Variants in PPIB observed in about 807,000 individuals in gnomAD.
PPIB encodes the protein peptidyl-prolyl cis-trans isomerase B.
Under a neutral mutation model 20.1 loss-of-function variants are expected in PPIB, and 15 were observed. The ratio of observed to expected loss-of-function variants is 0.75; its 90% CI spans 0.50 to 1.15. The LOEUF is 1.15. PPIB is among the 50% of genes most tolerant of loss of function. The pLI is 0.00. For synonymous variants in PPIB, 129 were observed against 111.0 expected (o/e 1.16, Z -1.02); for missense variants, 278 against 283.0 (o/e 0.98, Z 0.13).
chr15:64,162,705 G>T, intron 1 of PPIB, 147 bp downstream of exon 1: 1 of 1,344,230 alleles, frequency 7.4e-7, no homozygotes, highest in Non-Finnish European at 1.0e-6. Flanking sequence ...GGTGGGTCCG[G>T]GTCGTTCCCT....
Position 64,156,155 on chromosome 15 carries a change from A to G in PPIB, c.529-10T>C, listed in dbSNP as rs2081529595. 2 of 1,613,946 alleles carry G rather than the reference A, an allele frequency of 1.2e-6. No individual in the cohort carries two copies. The highest frequency in any genetic ancestry group is 1.7e-6 in the Non-Finnish European group (2 of 1,180,030). ...CCTTCCGCACCACCTCCTGGAAAAG[A>G]AAGGTGGAAGCAGGAGGGCATGGTG... On this transcript the variant is annotated splice_polypyrimidine_tract_variant and intron_variant, in intron 4 of 4. Transcript: ENST00000300026. The surrounding 1 kb of genome is among the most constrained non-coding windows in gnomAD (Gnocchi z 6.4).
Position 64,157,961 on chromosome 15 carries a change from A to T in PPIB, c.344-1052T>A, listed in dbSNP as rs1468798838. On this transcript the variant is annotated intron_variant, in intron 3 of 4. Coordinates refer to ENST00000300026, the MANE Select transcript of PPIB (RefSeq NM_000942.5). The surrounding 1 kb of genome is among the most constrained non-coding windows in gnomAD (Gnocchi z 4.2). ...TGGACTCTGCCACATGTGCAGTGAGACCTGGCTGGAGTGCTGGCTAAAAGC... is the reference window on the plus strand; with the variant it reads ...TGGACTCTGCCACATGTGCAGTGAGTCCTGGCTGGAGTGCTGGCTAAAAGC... 6.6e-6 allele frequency among the ~76,000 whole-genome samples: 1 copy of T among 152,098 alleles called. No individual in the cohort carries two copies. The highest frequency in any genetic ancestry group is 2.4e-5 in the African/African-American group (1 of 41,418).
At chr15:64,162,012 A>C in intron 2 of PPIB, 29 bp downstream of exon 2, 1 of 1,519,950 alleles carries the variant, frequency 6.6e-7, no homozygotes. Flanking sequence ...ACTTCATGTG[A>C]GTTGACTACC....
Position 64,161,971 on chromosome 15 carries a change from T to G in PPIB, c.249+70A>C. 9.1e-7 allele frequency: 1 copy of G among 1,096,116 alleles called. No individual in the cohort carries two copies. Among genetic ancestry groups the G allele is most frequent in the Non-Finnish European group, 1.4e-6 (1 of 708,198 alleles). The allele number at this position is 1,096,116 out of a possible 1,614,324, so 67.9% of individuals were successfully genotyped here. On this transcript the variant is annotated intron_variant, in intron 2 of 4. Coordinates refer to ENST00000300026, the MANE Select transcript of PPIB (RefSeq NM_000942.5). The surrounding 1 kb of genome is among the most constrained non-coding windows in gnomAD (Gnocchi z 4.2). ...CTACAGATCGGCTGAACTCTGCAGGTCAGTTTGCTGCCATCCCCAGTGCCA... is the reference window on the plus strand; with the variant it reads ...CTACAGATCGGCTGAACTCTGCAGGGCAGTTTGCTGCCATCCCCAGTGCCA...
Position 64,158,304 on chromosome 15 carries a change from A to G in PPIB, c.344-1395T>C, listed in dbSNP as rs1023115099. ...CATAGTGTGAGCCAGAGACTGTTCC[A>G]AGCATCTTACATATTTAACAATCCA... On this transcript the variant is annotated intron_variant, in intron 3 of 4. Transcript: ENST00000300026. This position sits in a 1 kb window ranked among gnomAD's most constrained non-coding sequence, Gnocchi z 4.7. Among the ~76,000 whole-genome samples, 7 of 152,166 alleles carry G rather than the reference A, an allele frequency of 4.6e-5. No homozygotes were observed. The highest frequency in any genetic ancestry group is 1.7e-4 in the African/African-American group (7 of 41,424).
rs907172359 is a variant in PPIB, at chr15:64,160,183, G to A, written c.264C>T (p.Tyr88=). The A allele has an allele frequency of 3.1e-6, 5 of 1,613,444 alleles. No homozygotes were observed. Among genetic ancestry groups the A allele is most frequent in the Non-Finnish European group, 4.2e-6 (5 of 1,179,376 alleles). ...ALATGEKGFG[Y]KNSKFHRVIK... The stretch of plus-strand genomic sequence containing the variant: ...TTACACGATGGAATTTGCTGTTTTT[G>A]TAGCCAAATCCTTTCTAGAAAAAGG... The change falls in exon 3 of 5, where the codon TAC becomes TAT. Residue 88 remains tyrosine, a synonymous_variant. Transcript: ENST00000300026. The surrounding 1 kb of genome is among the most constrained non-coding windows in gnomAD (Gnocchi z 4.8).
chr15:64,156,960 G>C lies in PPIB; in HGVS notation c.344-51C>G. 1 of 1,587,260 alleles carries C rather than the reference G, an allele frequency of 6.3e-7. No individual in the cohort carries two copies. The highest frequency in any genetic ancestry group is 8.6e-7 in the Non-Finnish European group (1 of 1,157,880). On this transcript the variant is annotated intron_variant, in intron 3 of 4. Transcript: ENST00000300026. The surrounding 1 kb of genome is among the most constrained non-coding windows in gnomAD (Gnocchi z 6.4). ...GGGGCGCTGGATTGCGCCAAACCAA[G>C]CAGACATTCGGGGCCAGGACTGAGG...
Position 64,156,744 on chromosome 15 carries a change from C to T in PPIB, c.509G>A (p.Gly170Asp), listed in dbSNP as rs199606428. The change falls in exon 4 of 5, where the codon GGC (glycine) becomes GAC (aspartate). Residue 170 changes from glycine (G) to aspartate (D), a missense_variant. Transcript: ENST00000300026. This position sits in a 1 kb window ranked among gnomAD's most constrained non-coding sequence, Gnocchi z 6.4. ...AWLDGKHVVFGKVLEGMEVVR... is the reference protein window; with the variant it reads ...AWLDGKHVVFDKVLEGMEVVR... Reference sequence around the variant, plus strand: ...ACTCACCATGCCCTCTAGAACTTTGCCAAACACCACATGCTTGCCATCTAG... The same window carrying T: ...ACTCACCATGCCCTCTAGAACTTTGTCAAACACCACATGCTTGCCATCTAG... The T allele has an allele frequency of 8.7e-6, 14 of 1,614,184 alleles. No individual in the cohort carries two copies. In the East Asian group the frequency reaches 2.7e-4, roughly 31 times the overall value.
In PPIB at chr15:64,159,932, ACTGGGTT is replaced by A. The variant is rs1271373282; in HGVS notation, c.343+165_343+171del. On this transcript the variant is annotated intron_variant, in intron 3 of 4. Coordinates refer to ENST00000300026, the MANE Select transcript of PPIB (RefSeq NM_000942.5). This position sits in a 1 kb window ranked among gnomAD's most constrained non-coding sequence, Gnocchi z 5.1. ...CACCCCATTATTCTCTCTCCTTTGTACTGGGTTCCCTCTTCAAAGAAGGGTGCCGCTG... is the reference window on the plus strand; with the variant it reads ...CACCCCATTATTCTCTCTCCTTTGTACCCTCTTCAAAGAAGGGTGCCGCTG... The A allele has an allele frequency of 1.4e-6, 1 of 691,380 alleles. No individual in the cohort carries two copies. The highest frequency in any genetic ancestry group is 2.6e-6 in the Non-Finnish European group (1 of 379,634). 42.8% of individuals were successfully genotyped at this position (691,380 alleles called of 1,614,324 possible). A position where few individuals can be genotyped will look rare whatever the true frequency, so the allele number is the denominator to read the frequency against.
chr15:64,155,854 TC>T lies in PPIB; in HGVS notation c.*168del. 1 of 913,024 alleles carries T rather than the reference TC, an allele frequency of 1.1e-6. No homozygotes were observed. Among genetic ancestry groups the T allele is most frequent in the Non-Finnish European group, 1.7e-6 (1 of 594,964 alleles). 56.6% of individuals were successfully genotyped at this position (913,024 alleles called of 1,614,324 possible). On this transcript the variant is annotated 3_prime_UTR_variant, in exon 5 of 5. Coordinates refer to ENST00000300026, the MANE Select transcript of PPIB (RefSeq NM_000942.5). ...AAAAACCCACATTTTTTTTTATTGGTCAGTGTTGGTAGGAGTTTGTTACAAA... is the reference window on the plus strand; with the variant it reads ...AAAAACCCACATTTTTTTTTATTGGTAGTGTTGGTAGGAGTTTGTTACAAA...
At position 64,161,367 on chromosome 15, in the gene PPIB, T is replaced by C. The variant is rs1187143042; in HGVS notation, c.249+674A>G. On this transcript the variant is annotated intron_variant, in intron 2 of 4. Coordinates refer to ENST00000300026, the MANE Select transcript of PPIB (RefSeq NM_000942.5). The surrounding 1 kb of genome is among the most constrained non-coding windows in gnomAD (Gnocchi z 4.2). Reference sequence around the variant, plus strand: ...TGGCTCACTGCAACCTCCATTTCACTTCAGCCTCCTGAGTAGCTGTAGCTG... The same window carrying C: ...TGGCTCACTGCAACCTCCATTTCACCTCAGCCTCCTGAGTAGCTGTAGCTG... 6.6e-6 allele frequency among the ~76,000 whole-genome samples: 1 copy of C among 151,922 alleles called. No homozygotes were observed. The highest frequency in any genetic ancestry group is 1.5e-5 in the Non-Finnish European group (1 of 67,958).
In PPIB at chr15:64,158,211, C is replaced by G. The variant is rs1159741479; in HGVS notation, c.344-1302G>C. Among the ~76,000 whole-genome samples the G allele has an allele frequency of 6.6e-6, 1 of 152,178 alleles. No homozygotes were observed. Among genetic ancestry groups the G allele is most frequent in the Non-Finnish European group, 1.5e-5 (1 of 68,044 alleles). On this transcript the variant is annotated intron_variant, in intron 3 of 4. Transcript: ENST00000300026. The surrounding 1 kb of genome is among the most constrained non-coding windows in gnomAD (Gnocchi z 4.7). Reference sequence around the variant, plus strand: ...GTGGCTCAGGTTGTCCCTACCCACTCCCCATGTACTTACTCTTTCTTTCCA... The same window carrying G: ...GTGGCTCAGGTTGTCCCTACCCACTGCCCATGTACTTACTCTTTCTTTCCA...
Position 64,161,108 on chromosome 15 carries a change from C to T in PPIB, c.250-911G>A, listed in dbSNP as rs2081561273. ...CCCAAGTAGCTGGAATTACAGGCGC[C>T]TACCACTACACCTGGCTAATTTTTT... On this transcript the variant is annotated intron_variant, in intron 2 of 4. Coordinates refer to ENST00000300026, the MANE Select transcript of PPIB (RefSeq NM_000942.5). The surrounding 1 kb of genome is among the most constrained non-coding windows in gnomAD (Gnocchi z 4.2). Among the ~76,000 whole-genome samples the T allele has an allele frequency of 6.6e-6, 1 of 151,744 alleles. No individual in the cohort carries two copies. The highest frequency in any genetic ancestry group is 6.6e-5 in the Admixed American group (1 of 15,224).
Position 64,159,964 on chromosome 15 carries a change from G to A in PPIB, c.343+140C>T. ...TCCCTCTTCAAAGAAGGGTGCCGCT[G>A]GTCTCAAAGTAGGTAAGTAATAAGT... On this transcript the variant is annotated intron_variant, in intron 3 of 4. Transcript: ENST00000300026. The surrounding 1 kb of genome is among the most constrained non-coding windows in gnomAD (Gnocchi z 5.1). The A allele has an allele frequency of 1.3e-6, 1 of 753,874 alleles. No homozygotes were observed. The allele number at this position is 753,874 out of a possible 1,614,324, so 46.7% of individuals were successfully genotyped here.
At position 64,155,979 on chromosome 15, in the gene PPIB, A is replaced by G; in HGVS notation, c.*44T>C. 2 of 1,613,782 alleles carry G rather than the reference A, an allele frequency of 1.2e-6. No homozygotes were observed. Among genetic ancestry groups the G allele is most frequent in the Non-Finnish European group, 1.7e-6 (2 of 1,179,924 alleles). The stretch of plus-strand genomic sequence containing the variant: ...AGCTCAGAGCCCTGTGGCGGACTAC[A>G]GGGCCTGCACAGACGGTCACTCAAA... On this transcript the variant is annotated 3_prime_UTR_variant, in exon 5 of 5. Coordinates refer to ENST00000300026, the MANE Select transcript of PPIB (RefSeq NM_000942.5).
Position 64,162,209 on chromosome 15 carries a change from A to G in PPIB, c.136-55T>C, listed in dbSNP as rs537515252. The G allele has an allele frequency of 5.3e-6, 7 of 1,325,630 alleles. No individual in the cohort carries two copies. The East Asian group carries it at 1.6e-4, about 31-fold the overall frequency. 82.1% of individuals were successfully genotyped at this position (1,325,630 alleles called of 1,614,324 possible). A position where few individuals can be genotyped will look rare whatever the true frequency, so the allele number is the denominator to read the frequency against. On this transcript the variant is annotated intron_variant, in intron 1 of 4. Transcript: ENST00000300026. Reference sequence around the variant, plus strand: ...TTCTTTAAAGGGGCGTTGCTAGGGGAGGGAAGGTACAAGAAGCTAACCTGA... The same window carrying G: ...TTCTTTAAAGGGGCGTTGCTAGGGGGGGGAAGGTACAAGAAGCTAACCTGA...
chr15:64,161,740 A>T lies in PPIB; in HGVS notation c.249+301T>A, dbSNP rs1050283854. Among the ~76,000 whole-genome samples the T allele has an allele frequency of 2.0e-5, 3 of 151,416 alleles. No individual in the cohort carries two copies. The highest frequency in any genetic ancestry group is 2.9e-5 in the Non-Finnish European group (2 of 67,816). Reference sequence around the variant, plus strand: ...AACTCCGTCTCAAAAAAAAAAAAAAATTTGCGGGGGTAGAGACAGGGTCTT... The same window carrying T: ...AACTCCGTCTCAAAAAAAAAAAAAATTTTGCGGGGGTAGAGACAGGGTCTT... On this transcript the variant is annotated intron_variant, in intron 2 of 4. Transcript: ENST00000300026. This position sits in a 1 kb window ranked among gnomAD's most constrained non-coding sequence, Gnocchi z 4.2.
In PPIB at chr15:64,161,946, C is replaced by A. The variant is rs1161121737; in HGVS notation, c.249+95G>T. On this transcript the variant is annotated intron_variant, in intron 2 of 4. Transcript: ENST00000300026. This position sits in a 1 kb window ranked among gnomAD's most constrained non-coding sequence, Gnocchi z 4.2. ...CAGTCGGTGCTCAGTGAGGTCCACGCTACAGATCGGCTGAACTCTGCAGGT... is the reference window on the plus strand; with the variant it reads ...CAGTCGGTGCTCAGTGAGGTCCACGATACAGATCGGCTGAACTCTGCAGGT... 2 of 900,946 alleles carry A rather than the reference C, an allele frequency of 2.2e-6. No individual in the cohort carries two copies. Among genetic ancestry groups the A allele is most frequent in the Non-Finnish European group, 3.8e-6 (2 of 532,060 alleles). 55.8% of individuals were successfully genotyped at this position (900,946 alleles called of 1,614,324 possible). A position where few individuals can be genotyped will look rare whatever the true frequency, so the allele number is the denominator to read the frequency against.
chr15:64,155,860 T>G lies in PPIB; in HGVS notation c.*163A>C. ...CCACATTTTTTTTTATTGGTCAGTG[T>G]TGGTAGGAGTTTGTTACAAAAGTGA... On this transcript the variant is annotated 3_prime_UTR_variant, in exon 5 of 5. Transcript: ENST00000300026. 8.9e-6 allele frequency: 9 copies of G among 1,005,848 alleles called. No individual in the cohort carries two copies. The highest frequency in any genetic ancestry group is 1.2e-5 in the Non-Finnish European group (8 of 655,884). 62.3% of individuals were successfully genotyped at this position (1,005,848 alleles called of 1,614,324 possible).
Sources: allele counts gnomAD v4.1 joint callset (sites outside exome capture counted in the v4.1 genomes callset), GRCh38; gene constraint gnomAD v4.1.1; non-coding constraint Gnocchi (gnomAD v3.1); transcripts MANE v1.5; gene names NCBI Gene and HGNC (gene_info 2026-07-23, HGNC 2026-07-21).